The following SYNPR variants were observed in gnomAD, a reference collection of about 807,000 sequenced individuals.
SYNPR encodes the protein synaptoporin.
In SYNPR, 23 loss-of-function variants were observed where a neutral mutation model predicts 32.9. The observed-to-expected ratio is 0.70, with a 90% CI of 0.50 to 0.99. The LOEUF is 0.99. SYNPR is among the 50% of genes least tolerant of loss of function. SYNPR has a pLI of 0.00. For missense variants in SYNPR, 318 were observed against 349.3 expected (o/e 0.91, Z 0.71); for synonymous variants, 146 against 135.9 (o/e 1.07, Z -0.52).
chr3:63,411,288 G>A (rs1187701331), intron 2 of SYNPR, among the ~76,000 whole-genome samples: 1 of 152,118 alleles, frequency 6.6e-6, no homozygotes, highest in Non-Finnish European at 1.5e-5. Flanking sequence ...GAACATATTG[G>A]TGTGGGTAGC....
intron 2 of SYNPR, among the ~76,000 whole-genome samples, chr3:63,355,133 G>A (rs2087559890): frequency 6.6e-6 from 1 of 152,040 alleles, no homozygotes; most frequent in African/African-American, 2.4e-5. Flanking sequence ...ACAAAAATTA[G>A]CCGGGCATGG....
At chr3:63,563,399 C>T (rs1416889716) in intron 4 of SYNPR, among the ~76,000 whole-genome samples, 2 of 152,142 alleles carry the variant, frequency 1.3e-5, no homozygotes, top group African/African-American at 2.4e-5. Context: ...GAGCTGGATG[C>T]TCAAATAATC....
chr3:63,368,843 C>T (rs1307103631), intron 2 of SYNPR, among the ~76,000 whole-genome samples: 1 of 152,162 alleles, frequency 6.6e-6, no homozygotes, highest in Non-Finnish European at 1.5e-5. Context: ...GAAGATTTGA[C>T]AAGTGATTGT....
chr3:63,205,553 G>A, the SYNPR span, among the ~76,000 whole-genome samples: 2 of 152,222 alleles, frequency 1.3e-5, no homozygotes, highest in African/African-American at 2.4e-5. Flanking sequence ...GTTAAAGTTG[G>A]CTCTCGCCAA....
chr3:63,246,127 A>G (rs2086287615), intron 1 of SYNPR, among the ~76,000 whole-genome samples: 1 of 152,112 alleles, frequency 6.6e-6, no homozygotes. Context: ...CAAGGAGAAC[A>G]GACTGGTACA....
intron 1 of SYNPR, among the ~76,000 whole-genome samples, chr3:63,252,035 G>A (rs2086336736): frequency 6.6e-6 from 1 of 151,564 alleles, no homozygotes; most frequent in Admixed American, 6.6e-5. Context: ...TGGTATGGGG[G>A]TACCATGGAG....
chr3:63,305,936 C>T (rs1432639836), intron 2 of SYNPR, among the ~76,000 whole-genome samples: 1 of 151,936 alleles, frequency 6.6e-6, no homozygotes, highest in Non-Finnish European at 1.5e-5. Flanking sequence ...TCAGTGTCCT[C>T]CCATGCCAGT....
At chr3:63,561,256 G>A (rs773554548) in intron 4 of SYNPR, 2 of 152,110 alleles carry the variant, frequency 1.3e-5, no homozygotes, top group African/African-American at 2.4e-5. Context: ...AACATCAACC[G>A]ATATTGATTG....
intron 4 of SYNPR, among the ~76,000 whole-genome samples, chr3:63,564,011 A>G (rs1373343962): frequency 6.7e-6 from 1 of 149,972 alleles, no homozygotes; most frequent in East Asian, 1.9e-4. Context: ...GAGCATCTTG[A>G]GGTTGGTGAG....
chr3:63,585,736 G>A (rs2106868683), intron 4 of SYNPR, among the ~76,000 whole-genome samples: 1 of 152,196 alleles, frequency 6.6e-6, no homozygotes, highest in African/African-American at 2.4e-5. Flanking sequence ...GCCTAGTTGT[G>A]CAAGATATCG....
At chr3:63,317,525 T>G (rs2087055986) in intron 2 of SYNPR, among the ~76,000 whole-genome samples, 3 of 152,078 alleles carry the variant, frequency 2.0e-5, no homozygotes, top group African/African-American at 7.2e-5. Flanking sequence ...CTTTAGAATT[T>G]GTTTTGTCTG....
At chr3:63,534,096 CA>C (rs1702159195) in intron 3 of SYNPR, among the ~76,000 whole-genome samples, 1 of 152,140 alleles carries the variant, frequency 6.6e-6, no homozygotes, top group Admixed American at 6.5e-5. Context: ...CACATTTAGA[CA>C]AATACTATCA....
chr3:63,385,729 T>G (rs893957796), intron 2 of SYNPR, among the ~76,000 whole-genome samples: 1 of 152,212 alleles, frequency 6.6e-6, no homozygotes, highest in African/African-American at 2.4e-5. Context: ...TATATAAACT[T>G]TATGTGAGGT....
chr3:63,260,792 G>A (rs1010303994), intron 2 of SYNPR, among the ~76,000 whole-genome samples: 37 of 151,616 alleles, frequency 2.4e-4, no homozygotes, highest in South Asian at 4.2e-4. Context: ...GCAACCTACA[G>A]AATGGGAGAA....
intron 2 of SYNPR, among the ~76,000 whole-genome samples, chr3:63,409,003 C>A (rs1331733818): frequency 1.3e-5 from 2 of 152,000 alleles, no homozygotes; most frequent in Non-Finnish European, 2.9e-5. Flanking sequence ...GTTCTTCTAC[C>A]CTCTTCCTCC....
intron 3 of SYNPR, among the ~76,000 whole-genome samples, chr3:63,500,493 T>A (rs1701458793): frequency 6.6e-6 from 1 of 152,038 alleles, no homozygotes; most frequent in Admixed American, 6.6e-5. Flanking sequence ...TGATTACAGA[T>A]CAAACAAACC....
At chr3:63,365,357 G>A (rs141252622) in intron 2 of SYNPR, among the ~76,000 whole-genome samples, 1 of 152,244 alleles carries the variant, frequency 6.6e-6, no homozygotes, top group East Asian at 1.9e-4. Context: ...CTGACTGGAC[G>A]TGGGGGTGGG....
intron 5 of SYNPR, among the ~76,000 whole-genome samples, chr3:63,611,333 A>G (rs1163762350): frequency 1.3e-5 from 2 of 152,228 alleles, no homozygotes; most frequent in South Asian, 2.1e-4. Context: ...CTCAAAATGC[A>G]AAGTTCCAGG....
rs149035519 is a variant in SYNPR, at chr3:63,558,254, G to T, written c.408+1513G>T. Among the ~76,000 whole-genome samples, 739 of 152,252 alleles carry T rather than the reference G, an allele frequency of 4.9e-3. 4 individuals are homozygous for T. The highest frequency in any genetic ancestry group is 7.4e-3 in the Non-Finnish European group (506 of 68,024). ...ACCTCTTTTCTTTATAAATTACCCAGTCTCAGGTATTGTGTTATAGCCATA... is the reference window on the plus strand; with the variant it reads ...ACCTCTTTTCTTTATAAATTACCCATTCTCAGGTATTGTGTTATAGCCATA... On this transcript the variant is annotated intron_variant, in intron 4 of 5. Transcript: ENST00000478300.
Sources: gnomAD v4.1 joint callset for allele counts (sites outside exome capture counted in the v4.1 genomes callset) on GRCh38, gnomAD v4.1.1 for gene constraint, MANE v1.5 for transcripts, NCBI Gene and HGNC (gene_info 2026-07-23, HGNC 2026-07-21) for gene names.